The following FAM81A variants were observed in gnomAD, a reference collection of about 807,000 sequenced individuals.
The protein encoded by FAM81A is protein FAM81A.
In FAM81A, 19 loss-of-function variants were observed where a neutral mutation model predicts 46.7. The ratio of observed to expected loss-of-function variants is 0.41; its 90% CI spans 0.28 to 0.60. FAM81A has a LOEUF of 0.60. FAM81A is among the 20% of genes least tolerant of loss of function. FAM81A has a pLI of 0.34. For synonymous variants in FAM81A, 183 were observed against 152.9 expected (o/e 1.20, Z -1.45); for missense variants, 377 against 453.5 (o/e 0.83, Z 1.53).
At position 59,521,375 on chromosome 15, in the gene FAM81A, G is replaced by C. The variant is rs746258451; in HGVS notation, c.1104G>C (p.Met368Ile). 6.2e-7 allele frequency: 1 copy of C among 1,608,234 alleles called. No homozygotes were observed. The stretch of plus-strand genomic sequence containing the variant: ...TGATGCAGAAGCCAGAGACCCCCAT[G>C]TGAAGGGAGCTGGGACAAGGTCCTA... Reference protein sequence around the residue: ...IQLMQKPETPM With the variant: ...IQLMQKPETPI Residue 368 changes from methionine to isoleucine, a missense_variant, in exon 9 of 9, where the codon ATG becomes ATC. Coordinates refer to ENST00000288228, the MANE Select transcript of FAM81A (RefSeq NM_152450.3).
chr15:59,474,257 G>A (rs1174499551), intron 3 of FAM81A, among the ~76,000 whole-genome samples: 1 of 152,204 alleles, frequency 6.6e-6, no homozygotes, highest in Non-Finnish European at 1.5e-5. Flanking sequence ...GGTGAATGCT[G>A]TCATAGTATA....
intron 1 of FAM81A, among the ~76,000 whole-genome samples, chr15:59,452,655 A>T (rs767345843): frequency 6.6e-6 from 1 of 152,184 alleles, no homozygotes; most frequent in Non-Finnish European, 1.5e-5. Context: ...TCACACAAAA[A>T]AATTTTTAAT....
chr15:59,404,973 G>A (rs529407920), intron 2 of FAM81A, among the ~76,000 whole-genome samples: 1 of 152,252 alleles, frequency 6.6e-6, no homozygotes, highest in South Asian at 2.1e-4. Flanking sequence ...GCTTCTTTGT[G>A]CTCTTTGAAC....
intron 3 of FAM81A, among the ~76,000 whole-genome samples, chr15:59,464,431 G>A (rs943664183): frequency 8.5e-5 from 13 of 152,132 alleles, no homozygotes; most frequent in South Asian, 8.3e-4. Flanking sequence ...TTACATTCCC[G>A]CCAACAGTGT....
chr15:59,399,096 G>A (rs375940369), intron 1 of FAM81A, among the ~76,000 whole-genome samples: 1 of 152,148 alleles, frequency 6.6e-6, no homozygotes, highest in African/African-American at 2.4e-5. Flanking sequence ...TTGAACCTGG[G>A]AGGCGGAGGT....
At chr15:59,419,935 G>T (rs2081163722) in intron 2 of FAM81A, among the ~76,000 whole-genome samples, 1 of 152,114 alleles carries the variant, frequency 6.6e-6, no homozygotes, top group African/African-American at 2.4e-5. Flanking sequence ...CCCCTCTGGA[G>T]GTTAGGGATC....
At chr15:59,464,061 A>G (rs574825884) in intron 3 of FAM81A, among the ~76,000 whole-genome samples, 2 of 152,298 alleles carry the variant, frequency 1.3e-5, no homozygotes, top group African/African-American at 4.8e-5. Context: ...GAGTAAGAAC[A>G]TGCAGTGTTT....
At chr15:59,441,370 C>G (rs776791343) in intron 1 of FAM81A, among the ~76,000 whole-genome samples, 132 of 152,328 alleles carry the variant, frequency 8.7e-4, no homozygotes, top group Non-Finnish European at 1.5e-3. Flanking sequence ...TAGTCACTGC[C>G]CACATGTGGC....
chr15:59,469,723 T>G (rs2081660769), intron 3 of FAM81A, among the ~76,000 whole-genome samples: 1 of 152,186 alleles, frequency 6.6e-6, no homozygotes, highest in South Asian at 2.1e-4. Context: ...ACATTTAAGG[T>G]TAAGATTATT....
chr15:59,452,741 A>G (rs1274992247), intron 1 of FAM81A, among the ~76,000 whole-genome samples: 1 of 152,186 alleles, frequency 6.6e-6, no homozygotes, highest in Non-Finnish European at 1.5e-5. Context: ...CAGCATACAC[A>G]TAGTCTATGA....
chr15:59,427,669 G>T (rs1378248189), intron 2 of FAM81A, among the ~76,000 whole-genome samples: 1 of 152,110 alleles, frequency 6.6e-6, no homozygotes, highest in Non-Finnish European at 1.5e-5. Flanking sequence ...TTGTCTTTCT[G>T]TGCCTGTTTT....
rs2082335356 is a variant in FAM81A, at chr15:59,522,256, T to C, written c.*878T>C. 6.5e-6 allele frequency: 1 copy of C among 152,674 alleles called. No homozygotes were observed. The highest frequency in any genetic ancestry group is 1.5e-5 in the Non-Finnish European group (1 of 68,038). 9.5% of individuals were successfully genotyped at this position (152,674 alleles called of 1,614,324 possible). The stretch of plus-strand genomic sequence containing the variant: ...AATTGGCACAAAGTGCTAGGGTTTA[T>C]ATACACTTATCGTAACTGTATTTTT... On this transcript the variant is annotated 3_prime_UTR_variant, in exon 9 of 9. Coordinates refer to ENST00000288228, the MANE Select transcript of FAM81A (RefSeq NM_152450.3).
intron 3 of FAM81A, among the ~76,000 whole-genome samples, chr15:59,481,168 A>G (rs1278663722): frequency 6.6e-6 from 1 of 151,978 alleles, no homozygotes; most frequent in East Asian, 1.9e-4. Flanking sequence ...CTAATTAAAA[A>G]AAAAATGTGT....
intron 4 of FAM81A, among the ~76,000 whole-genome samples, chr15:59,502,281 A>G (rs944415026): frequency 2.0e-5 from 3 of 151,466 alleles, no homozygotes; most frequent in Admixed American, 1.3e-4. Context: ...TGCTGCACCC[A>G]TTAACTCGTC....
At chr15:59,510,116 A>G (rs867209270) in intron 6 of FAM81A, among the ~76,000 whole-genome samples, 36 of 152,326 alleles carry the variant, frequency 2.4e-4, no homozygotes, top group Middle Eastern at 6.8e-3. Context: ...CTATAATCTC[A>G]GCACTCTGGG....
chr15:59,484,443 T>C (rs1179005684), intron 3 of FAM81A, among the ~76,000 whole-genome samples: 1 of 152,148 alleles, frequency 6.6e-6, no homozygotes, highest in African/African-American at 2.4e-5. Context: ...ATCATATCAC[T>C]GAAAGAGGCA....
In FAM81A at chr15:59,510,777, C is replaced by CAAA. The variant is rs71119479; in HGVS notation, c.650+1836_650+1838dup. ...TAAGTGACAGAATGAGACCCTGTCT[C>CAAA]AAAAAAAAAAAAAAAAAAAAAAAAA... is the stretch of plus-strand genomic sequence containing the variant. On this transcript the variant is annotated intron_variant, in intron 6 of 8. Coordinates refer to ENST00000288228, the MANE Select transcript of FAM81A (RefSeq NM_152450.3). Among the ~76,000 whole-genome samples the CAAA allele has an allele frequency of 6.2e-3, 161 of 25,768 alleles. 20 individuals carry two copies. The highest frequency in any genetic ancestry group is 0.017 in the African/African-American group (103 of 6,190). 16.9% of individuals were successfully genotyped at this position (25,768 alleles called of 152,430 possible).
intron 3 of FAM81A, among the ~76,000 whole-genome samples, chr15:59,491,157 C>T (rs1385336060): frequency 6.6e-6 from 1 of 152,180 alleles, no homozygotes; most frequent in Admixed American, 6.5e-5. Flanking sequence ...GATTTGGAAG[C>T]TACCCAAGTG....
intron 3 of FAM81A, among the ~76,000 whole-genome samples, chr15:59,491,543 G>A (rs879675331): frequency 1.4e-4 from 21 of 152,174 alleles, no homozygotes; most frequent in Non-Finnish European, 2.6e-4. Context: ...TAATTTAATT[G>A]TACATGTAAA....
Sources: allele counts gnomAD v4.1 joint callset (sites outside exome capture counted in the v4.1 genomes callset), GRCh38; gene constraint gnomAD v4.1.1; transcripts MANE v1.5; gene names NCBI Gene and HGNC (gene_info 2026-07-23, HGNC 2026-07-21).